Variants in NDFIP1 observed in about 807,000 individuals in gnomAD.
The protein encoded by NDFIP1 is NEDD4 family-interacting protein 1.
NDFIP1 carries 7 observed loss-of-function variants against 28.8 expected under a neutral mutation model. That is an observed-to-expected ratio of 0.24 (90% CI 0.14 to 0.46). NDFIP1 has a LOEUF of 0.46. Among genes scored for constraint, NDFIP1 ranks in the 20% least tolerant of loss-of-function variants. The pLI is 0.99. For synonymous variants in NDFIP1, 92 were observed against 101.0 expected, an observed-to-expected ratio of 0.91 and a Z score of 0.53; for missense variants, 194 against 269.1, an observed-to-expected ratio of 0.72 and a Z score of 1.95.
intron 1 of NDFIP1, among the ~76,000 whole-genome samples, chr5:142,112,784 C>CAAA (rs377085787): frequency 9.5e-6 from 1 of 105,164 alleles, no homozygotes. Flanking sequence ...AGACTCTGTC[C>CAAA]AAAAAAAAAA....
At chr5:142,142,384 A>G (rs960470847) in intron 6 of NDFIP1, among the ~76,000 whole-genome samples, 2 of 152,160 alleles carry the variant, frequency 1.3e-5, no homozygotes, top group African/African-American at 4.8e-5. Flanking sequence ...TTTAGAAGAA[A>G]TAGTTCCTTG....
chr5:142,109,544 A>G (rs1756989624), intron 1 of NDFIP1, among the ~76,000 whole-genome samples: 1 of 152,186 alleles, frequency 6.6e-6, no homozygotes, highest in African/African-American at 2.4e-5. Context: ...CTCCGTTTTA[A>G]GACAAAAGTA....
intron 4 of NDFIP1, among the ~76,000 whole-genome samples, 156 bp downstream of exon 4, chr5:142,135,973 C>G (rs565925468): frequency 6.6e-6 from 1 of 152,206 alleles, no homozygotes; most frequent in South Asian, 2.1e-4. Flanking sequence ...CTTAATATAC[C>G]TTTGTTTTAA....
chr5:142,111,788 C>T (rs192846413), intron 1 of NDFIP1, among the ~76,000 whole-genome samples: 5 of 152,308 alleles, frequency 3.3e-5, no homozygotes, highest in African/African-American at 1.2e-4. Flanking sequence ...TAGGCTCAAC[C>T]AGGTGTGGTG....
chr5:142,128,119 A>C (rs1036272185), intron 1 of NDFIP1, among the ~76,000 whole-genome samples: 3 of 152,152 alleles, frequency 2.0e-5, no homozygotes, highest in Admixed American at 1.3e-4. Flanking sequence ...AGAAGTTCCC[A>C]GATCTGTCCC....
intron 1 of NDFIP1, among the ~76,000 whole-genome samples, chr5:142,122,980 T>C (rs546541990): frequency 1.8e-4 from 28 of 152,300 alleles, no homozygotes; most frequent in Admixed American, 7.2e-4. Context: ...GTTTTGTGTT[T>C]TAGGCAGAGT....
intron 5 of NDFIP1, 30 bp downstream of exon 5, chr5:142,137,888 T>C: frequency 6.3e-7 from 1 of 1,589,438 alleles, no homozygotes; most frequent in Non-Finnish European, 8.6e-7. Context: ...AGATGGGCTC[T>C]ACAGAGAGGC....
At chr5:142,144,445 T>C in intron 6 of NDFIP1, 126 bp from the exon 7 acceptor site, 1 of 688,660 alleles carries the variant, frequency 1.5e-6, no homozygotes, top group South Asian at 1.9e-5. Context: ...CTGGAGGAAA[T>C]TGCTAATGTT....
chr5:142,148,398 C>T (rs953109448), intron 7 of NDFIP1, among the ~76,000 whole-genome samples: 1 of 152,108 alleles, frequency 6.6e-6, no homozygotes, highest in East Asian at 1.9e-4. Context: ...ATCTGTTTTC[C>T]TACTTCATAA....
At chr5:142,142,751 AACCCCGTCTCTACTAAAAAT>A (rs1415654084) in intron 6 of NDFIP1, among the ~76,000 whole-genome samples, 1 of 151,526 alleles carries the variant, frequency 6.6e-6, no homozygotes, top group Non-Finnish European at 1.5e-5. Flanking sequence ...ACCGTGGTGA[AACCCCGTCTCTACTAAAAAT>A]ACAAAAATTA....
intron 5 of NDFIP1, among the ~76,000 whole-genome samples, chr5:142,139,998 G>A (rs1381027354): frequency 6.6e-6 from 1 of 152,118 alleles, no homozygotes; most frequent in Non-Finnish European, 1.5e-5. Context: ...TCAAAATAAG[G>A]AGTTAATAAA....
chr5:142,123,279 A>T (rs1443157172), intron 1 of NDFIP1, among the ~76,000 whole-genome samples: 2 of 152,024 alleles, frequency 1.3e-5, no homozygotes, highest in African/African-American at 2.4e-5. Flanking sequence ...AGTGATTTTT[A>T]AAATTGTTCT....
intron 1 of NDFIP1, among the ~76,000 whole-genome samples, chr5:142,126,902 T>C (rs961342810): frequency 6.6e-6 from 1 of 152,200 alleles, no homozygotes; most frequent in African/African-American, 2.4e-5. Context: ...TAGAACTATA[T>C]ATGATTTCTG....
rs1183667062 is a variant in NDFIP1, at chr5:142,148,741, ACT to A, written c.*3-2987_*3-2986del. ...ACTCCAGCCTGGGCGACAGAGCGAG[ACT>A]CTGTCTCAAAAAAAAAAAAAAAAAA... On this transcript the variant is annotated intron_variant, in intron 7 of 7. Transcript: ENST00000253814. Among the ~76,000 whole-genome samples the A allele has an allele frequency of 4.4e-5, 5 of 114,154 alleles. No homozygotes were observed. The East Asian group carries it at 1.2e-3, about 27-fold the overall frequency. The allele number at this position is 114,154 out of a possible 152,430, so 74.9% of individuals were successfully genotyped here.
At chr5:142,142,940 A>AAAAAATAT (rs60076432) in intron 6 of NDFIP1, 10 of 38,160 alleles carry the variant, frequency 2.6e-4, no homozygotes, top group Admixed American at 4.0e-4. Context: ...AAAAAAAAAA[A>AAAAAATAT]ATATATATAT....
chr5:142,120,871 A>C (rs11749731), intron 1 of NDFIP1, among the ~76,000 whole-genome samples: 102,048 of 152,162 alleles, frequency 0.67, 34,529 homozygotes, highest in African/African-American at 0.76. Context: ...TTTGTTCTTG[A>C]AGGAAGAGGG....
chr5:142,126,894 G>C (rs1244418639), intron 1 of NDFIP1, among the ~76,000 whole-genome samples: 1 of 151,880 alleles, frequency 6.6e-6, no homozygotes, highest in Non-Finnish European at 1.5e-5. Context: ...ATTAGAATTA[G>C]AACTATATAT....
At chr5:142,144,855 T>A (rs1168115675) in intron 7 of NDFIP1, among the ~76,000 whole-genome samples, 179 bp downstream of exon 7, 1 of 152,224 alleles carries the variant, frequency 6.6e-6, no homozygotes, top group Admixed American at 6.5e-5. Flanking sequence ...AAGCTATTGA[T>A]AAAGTCAAAT....
chr5:142,123,394 A>C (rs537555710), intron 1 of NDFIP1, among the ~76,000 whole-genome samples: 2 of 152,342 alleles, frequency 1.3e-5, no homozygotes, highest in South Asian at 4.1e-4. Flanking sequence ...TCAGCCTCCC[A>C]AAGTGCTGGG....
Sources: gnomAD v4.1 joint callset for allele counts (sites outside exome capture counted in the v4.1 genomes callset) on GRCh38, gnomAD v4.1.1 for gene constraint, MANE v1.5 for transcripts, NCBI Gene and HGNC (gene_info 2026-07-23, HGNC 2026-07-21) for gene names.